Variants in PSMD9 observed in about 807,000 individuals in gnomAD.
PSMD9 encodes the protein proteasome 26S subunit, non-ATPase 9.
In PSMD9, 26 loss-of-function variants were observed where a neutral mutation model predicts 25.9. The observed-to-expected ratio is 1.00, with a 90% CI of 0.73 to 1.39. The LOEUF is 1.39. Ranked by LOEUF, PSMD9 falls within the 40% of genes most tolerant of loss-of-function variation. The pLI is 0.00. For synonymous variants in PSMD9, 110 were observed against 114.5 expected, an observed-to-expected ratio of 0.96 and a Z score of 0.25; for missense variants, 303 against 299.3, an observed-to-expected ratio of 1.01 and a Z score of -0.09.
chr12:121,903,092 G>A lies in PSMD9; in HGVS notation c.540G>A (p.Val180=), dbSNP rs1045179066. 6.2e-7 allele frequency: 1 copy of A among 1,613,848 alleles called. No homozygotes were observed. The highest frequency in any genetic ancestry group is 1.3e-5 in the African/African-American group (1 of 74,914). ...CACTGCATAACATTGGCAGTGTGGT[G>A]CAGCACAGTGAGGGGGTGAGTGGGG... The part of the protein sequence containing the change: ...FQSLHNIGSV[V]QHSEGKPLNV... Residue 180 remains valine, a synonymous_variant, in exon 4 of 6, where the codon GTG becomes GTA. Coordinates refer to ENST00000541212, the MANE Select transcript of PSMD9 (RefSeq NM_002813.7).
chr12:121,892,568 G>T (rs1274311986), intron 1 of PSMD9, among the ~76,000 whole-genome samples: 1 of 152,086 alleles, frequency 6.6e-6, no homozygotes, highest in East Asian at 1.9e-4. Flanking sequence ...GGGTGTGGTG[G>T]CAGACGCCTG....
In PSMD9 at chr12:121,888,845, C is replaced by A; in HGVS notation, c.-12C>A. ...GGAGCCGGGTCTCTGGAGTCGCGGC[C>A]CGGGGTTCACGATGTCCGACGAGGA... is the stretch of plus-strand genomic sequence containing the variant. On this transcript the variant is annotated 5_prime_UTR_variant, in exon 1 of 6. Coordinates refer to ENST00000541212, the MANE Select transcript of PSMD9 (RefSeq NM_002813.7). 1 of 1,599,352 alleles carries A rather than the reference C, an allele frequency of 6.3e-7. No homozygotes were observed. The highest frequency in any genetic ancestry group is 1.1e-5 in the South Asian group (1 of 88,904).
intron 4 of PSMD9, 140 bp from the exon 5 acceptor site, chr12:121,915,716 C>A: frequency 1.3e-6 from 1 of 754,214 alleles, no homozygotes; most frequent in South Asian, 1.9e-5. Context: ...ACGTTCCCCA[C>A]CCTCTCGCCA....
intron 1 of PSMD9, among the ~76,000 whole-genome samples, chr12:121,892,831 C>T (rs1315013985): frequency 6.6e-6 from 1 of 152,136 alleles, no homozygotes; most frequent in Admixed American, 6.6e-5. Flanking sequence ...TATGAACACA[C>T]CACTGCACCC....
In PSMD9 at chr12:121,894,825, C is replaced by T; in HGVS notation, c.225C>T (p.Ala75=). 6.2e-7 allele frequency: 1 copy of T among 1,613,550 alleles called. No homozygotes were observed. The highest frequency in any genetic ancestry group is 8.5e-7 in the Non-Finnish European group (1 of 1,179,800). ...SDVDLYQVRT[A]RHNIICLQND... ...TGGACCTGTACCAAGTCCGCACCGCCAGGCACAACATCATATGTGAGTGGC... is the reference window on the plus strand; with the variant it reads ...TGGACCTGTACCAAGTCCGCACCGCTAGGCACAACATCATATGTGAGTGGC... Residue 75 remains alanine (A), a synonymous_variant, in exon 2 of 6, where the codon GCC becomes GCT. Transcript: ENST00000541212.
intron 5 of PSMD9, 139 bp downstream of exon 5, chr12:121,916,083 C>T (rs547223624): frequency 2.0e-5 from 23 of 1,178,336 alleles, no homozygotes; most frequent in South Asian, 5.4e-5. Flanking sequence ...GATAAATCCT[C>T]GTGGTAGGAA....
chr12:121,914,512 T>C (rs7303125), intron 4 of PSMD9: 4,009 of 151,688 alleles, frequency 0.026, 83 homozygotes, highest in Middle Eastern at 0.041. Flanking sequence ...ATTGTGCCAC[T>C]GTACTCCAGC....
At chr12:121,899,602 C>T in intron 2 of PSMD9, 32 bp from the exon 3 acceptor site, 8 of 1,558,142 alleles carry the variant, frequency 5.1e-6, no homozygotes, top group African/African-American at 1.4e-5. Context: ...CCACTGTCTT[C>T]CTTGGCCCCT....
At chr12:121,899,976 C>A in intron 3 of PSMD9, 131 bp downstream of exon 3, 1 of 1,081,728 alleles carries the variant, frequency 9.2e-7, no homozygotes, top group South Asian at 1.5e-5. Flanking sequence ...ATTTAACAAA[C>A]ACTGACTGAG....
At chr12:121,904,480 A>C (rs1879493735) in intron 4 of PSMD9, among the ~76,000 whole-genome samples, 1 of 150,570 alleles carries the variant, frequency 6.6e-6, no homozygotes, top group South Asian at 2.1e-4. Flanking sequence ...AGACTGAGGA[A>C]GGAGAATCGC....
At chr12:121,912,230 G>A (rs895045259) in intron 4 of PSMD9, among the ~76,000 whole-genome samples, 138 of 150,930 alleles carry the variant, frequency 9.1e-4, no homozygotes, top group African/African-American at 2.8e-3. Flanking sequence ...TGGTTTTGCC[G>A]TGTTGCCCAG....
chr12:121,895,329 T>C (rs1879200096), intron 2 of PSMD9, among the ~76,000 whole-genome samples: 1 of 152,180 alleles, frequency 6.6e-6, no homozygotes, highest in African/African-American at 2.4e-5. Flanking sequence ...ATTAAAGAGC[T>C]AGCAGAGAGT....
intron 1 of PSMD9, among the ~76,000 whole-genome samples, chr12:121,891,148 T>C (rs1435423116): frequency 6.7e-6 from 1 of 148,150 alleles, no homozygotes; most frequent in African/African-American, 2.5e-5. Flanking sequence ...TTTTAAAAAT[T>C]AGTTGGGCGT....
Position 121,905,342 on chromosome 12 carries a change from G to T in PSMD9, c.555+2235G>T, listed in dbSNP as rs538419952. On this transcript the variant is annotated intron_variant, in intron 4 of 5. Transcript: ENST00000541212. The stretch of plus-strand genomic sequence containing the variant: ...AGGTTCACGCCATTCTCCTGCCTCA[G>T]CCTCCCGAGTAGCTGGGACTACAGG... Among the ~76,000 whole-genome samples, 8 of 150,732 alleles carry T rather than the reference G, an allele frequency of 5.3e-5. No homozygotes were observed. The South Asian group carries it at 1.7e-3, about 32-fold the overall frequency.
At chr12:121,915,761 C>A in intron 4 of PSMD9, 95 bp from the exon 5 acceptor site, 3 of 1,080,240 alleles carry the variant, frequency 2.8e-6, no homozygotes, top group Admixed American at 2.3e-5. Flanking sequence ...AAATCTTTAC[C>A]AATTTGATAG....
intron 4 of PSMD9, among the ~76,000 whole-genome samples, chr12:121,912,868 CAAAA>C (rs35325016): frequency 1.7e-4 from 15 of 85,802 alleles, no homozygotes; most frequent in Middle Eastern, 8.8e-3. Flanking sequence ...AACCCTGTCT[CAAAA>C]AAAAAAAAAA....
At chr12:121,897,183 A>T (rs567912005) in intron 2 of PSMD9, 1 of 152,040 alleles carries the variant, frequency 6.6e-6, no homozygotes, top group Admixed American at 6.6e-5. Flanking sequence ...ATATATACAC[A>T]TGTGTATACA....
At chr12:121,900,280 G>A (rs1565892241) in intron 3 of PSMD9, among the ~76,000 whole-genome samples, 1 of 152,154 alleles carries the variant, frequency 6.6e-6, no homozygotes, top group Non-Finnish European at 1.5e-5. Flanking sequence ...AGGCTGAGGC[G>A]ACTTGGAAAG....
intron 4 of PSMD9, among the ~76,000 whole-genome samples, chr12:121,913,523 A>T: frequency 7.5e-6 from 1 of 133,636 alleles, no homozygotes; most frequent in Non-Finnish European, 1.6e-5. Context: ...ACAGAATCTC[A>T]CTCTGTCACC....
Sources: allele counts gnomAD v4.1 joint callset (sites outside exome capture counted in the v4.1 genomes callset), GRCh38; gene constraint gnomAD v4.1.1; transcripts MANE v1.5; gene names NCBI Gene and HGNC (gene_info 2026-07-23, HGNC 2026-07-21).